AGBL4: variants seen among roughly 807,000 people sequenced by gnomAD.
AGBL4 encodes AGBL carboxypeptidase 4.
Under a neutral mutation model 66.4 loss-of-function variants are expected in AGBL4, and 58 were observed. The ratio of observed to expected loss-of-function variants is 0.87; its 90% CI spans 0.71 to 1.09. The LOEUF is 1.09. Ranked by LOEUF, AGBL4 falls within the 50% of genes least tolerant of loss-of-function variation. The probability of loss-of-function intolerance (pLI) is 0.00; values close to 1 mark genes in which losing one functional copy is unlikely to be tolerated. For synonymous variants in AGBL4, 234 were observed against 222.9 expected (o/e 1.05, Z -0.44); for missense variants, 579 against 631.0 (o/e 0.92, Z 0.88).
chr1:49,027,646 G>A (rs995060826), intron 5 of AGBL4, among the ~76,000 whole-genome samples: 5 of 151,988 alleles, frequency 3.3e-5, no homozygotes, highest in Admixed American at 3.3e-4. Context: ...CTTGGGAGGG[G>A]CAGGCCACAA....
chr1:49,515,669 A>C (rs1649734388), intron 3 of AGBL4, among the ~76,000 whole-genome samples: 1 of 151,856 alleles, frequency 6.6e-6, no homozygotes, highest in Non-Finnish European at 1.5e-5. Flanking sequence ...CTGGATTAAG[A>C]AAATGTGGCA....
At chr1:49,768,694 A>G (rs1012346782) in intron 2 of AGBL4, among the ~76,000 whole-genome samples, 1 of 152,196 alleles carries the variant, frequency 6.6e-6, no homozygotes, top group African/African-American at 2.4e-5. Context: ...GGCAAGAGAA[A>G]GAAACAAAGG....
At chr1:49,037,626 C>T (rs554082905) in intron 5 of AGBL4, among the ~76,000 whole-genome samples, 68 of 152,242 alleles carry the variant, frequency 4.5e-4, no homozygotes, top group African/African-American at 1.6e-3. Context: ...CCTCTTTACA[C>T]ATGTTTGATA....
intron 6 of AGBL4, among the ~76,000 whole-genome samples, chr1:48,663,672 C>T (rs956326811): frequency 5.3e-5 from 8 of 152,126 alleles, no homozygotes; most frequent in African/African-American, 1.2e-4. Flanking sequence ...AACAGGCTTA[C>T]ACATTGCATA....
intron 1 of AGBL4, among the ~76,000 whole-genome samples, chr1:49,991,770 A>T (rs1405578079): frequency 6.6e-6 from 1 of 152,106 alleles, no homozygotes. Context: ...AGTTTTTTTT[A>T]ATTCCTTTCG....
chr1:49,361,645 T>C (rs530040444), intron 3 of AGBL4, among the ~76,000 whole-genome samples: 110 of 152,300 alleles, frequency 7.2e-4, no homozygotes, highest in African/African-American at 2.6e-3. Context: ...TTAAAAATAC[T>C]TTTTAGATTA....
intron 12 of AGBL4, among the ~76,000 whole-genome samples, chr1:48,537,360 T>G (rs1643989743): frequency 6.6e-6 from 1 of 152,120 alleles, no homozygotes; most frequent in African/African-American, 2.4e-5. Context: ...GCTCTCTAGA[T>G]CTTTTCTGAA....
At chr1:49,830,560 C>T (rs1645643071) in intron 2 of AGBL4, among the ~76,000 whole-genome samples, 1 of 152,116 alleles carries the variant, frequency 6.6e-6, no homozygotes, top group Admixed American at 6.5e-5. Flanking sequence ...TGTGAGTTGC[C>T]TGTTCACTCT....
chr1:49,401,122 G>C (rs1337914548), intron 3 of AGBL4, among the ~76,000 whole-genome samples: 1 of 152,174 alleles, frequency 6.6e-6, no homozygotes, highest in African/African-American at 2.4e-5. Flanking sequence ...AAGAAAAGAG[G>C]TTTAATTCAC....
chr1:49,570,550 T>C (rs1316171095), intron 3 of AGBL4, among the ~76,000 whole-genome samples: 1 of 152,078 alleles, frequency 6.6e-6, no homozygotes, highest in African/African-American at 2.4e-5. Context: ...GTCTTCACTA[T>C]GTTGATTATT....
chr1:49,406,317 CA>C (rs1369161645), intron 3 of AGBL4, among the ~76,000 whole-genome samples: 1 of 152,142 alleles, frequency 6.6e-6, no homozygotes, highest in African/African-American at 2.4e-5. Flanking sequence ...TCTGCTACTC[CA>C]ATTATCCCAT....
intron 4 of AGBL4, among the ~76,000 whole-genome samples, chr1:49,189,233 T>C (rs1435659652): frequency 6.6e-6 from 1 of 152,194 alleles, no homozygotes; most frequent in Non-Finnish European, 1.5e-5. Context: ...TCTCATAATG[T>C]CCTTTTAGCT....
At chr1:49,259,660 G>C (rs1652914878) in intron 3 of AGBL4, among the ~76,000 whole-genome samples, 1 of 126,968 alleles carries the variant, frequency 7.9e-6, no homozygotes, top group African/African-American at 3.0e-5. Context: ...CATAAAGCAA[G>C]TCCTGAGTGA....
Position 49,939,899 on chromosome 1 carries a change from T to A in AGBL4, c.34+83864A>T, listed in dbSNP as rs1277905014. Among the ~76,000 whole-genome samples the A allele has an allele frequency of 3.3e-5, 5 of 152,220 alleles. No individual in the cohort carries two copies. In the East Asian group the frequency reaches 9.7e-4, roughly 29 times the overall value. On this transcript the variant is annotated intron_variant, in intron 1 of 13. Transcript: ENST00000371839. ...TTCTGCACAGCAAAAGAAACTACCATCAGAGTGAATAGGCAACCTATAAAA... is the reference window on the plus strand; with the variant it reads ...TTCTGCACAGCAAAAGAAACTACCAACAGAGTGAATAGGCAACCTATAAAA...
chr1:48,655,492 G>A (rs114777514), intron 7 of AGBL4, among the ~76,000 whole-genome samples: 6 of 152,280 alleles, frequency 3.9e-5, no homozygotes, highest in African/African-American at 7.2e-5. Context: ...AATCTTAACT[G>A]AGTGTTAGCT....
chr1:49,814,585 A>G (rs1479642606), intron 2 of AGBL4, among the ~76,000 whole-genome samples: 3 of 152,158 alleles, frequency 2.0e-5, no homozygotes, highest in African/African-American at 7.2e-5. Context: ...CCCAGGTATT[A>G]TTGATGAATA....
intron 6 of AGBL4, among the ~76,000 whole-genome samples, chr1:48,816,027 A>T (rs887410284): frequency 4.7e-5 from 7 of 150,076 alleles, no homozygotes; most frequent in Non-Finnish European, 8.9e-5. Context: ...GATTTTGGCC[A>T]CTTATTGAGG....
At position 49,257,060 on chromosome 1, in the gene AGBL4, A is replaced by AC. The variant is rs560365983; in HGVS notation, c.283-11197dup. 3.0e-3 allele frequency among the ~76,000 whole-genome samples: 455 copies of AC among 152,188 alleles called. 7 individuals are homozygous for AC. Among genetic ancestry groups the AC allele is most frequent in the African/African-American group, 9.4e-3 (391 of 41,528 alleles). ...TACAGTTTTTTTTTTTACAAAAAGC[A>AC]CAGAAGCATTAATTATGAAGGAAAA... On this transcript the variant is annotated intron_variant, in intron 3 of 13. Coordinates refer to ENST00000371839, the MANE Select transcript of AGBL4 (RefSeq NM_032785.4).
chr1:48,827,995 T>TACACACAC (rs375257744), intron 6 of AGBL4, among the ~76,000 whole-genome samples: 7,212 of 116,904 alleles, frequency 0.062, 366 homozygotes, highest in East Asian at 0.17. Context: ...CTACTAAAAA[T>TACACACAC]ACACACACAC....
Sources: gnomAD v4.1 joint callset for allele counts (sites outside exome capture counted in the v4.1 genomes callset) on GRCh38, gnomAD v4.1.1 for gene constraint, MANE v1.5 for transcripts, NCBI Gene and HGNC (gene_info 2026-07-23, HGNC 2026-07-21) for gene names.